Variants in DPP10 observed in about 807,000 individuals in gnomAD.
The protein encoded by DPP10 is dipeptidyl peptidase like 10.
Under a neutral mutation model 120.9 loss-of-function variants are expected in DPP10, and 33 were observed. The ratio of observed to expected loss-of-function variants is 0.27; its 90% confidence interval spans 0.21 to 0.37. The LOEUF is 0.37. Among genes scored for constraint, DPP10 ranks in the 10% least tolerant of loss-of-function variants. The pLI is 1.00. For synonymous variants in DPP10, 337 were observed against 326.1 expected, an observed-to-expected ratio of 1.03 and a Z score of -0.36; for missense variants, 816 against 942.8, an observed-to-expected ratio of 0.87 and a Z score of 1.76.
At chr2:115,628,025 C>A (rs2085506563) in intron 5 of DPP10, among the ~76,000 whole-genome samples, 1 of 111,404 alleles carries the variant, frequency 9.0e-6, no homozygotes. Flanking sequence ...AATGGCATTT[C>A]TGGTTCTAGA....
At chr2:114,889,661 C>T (rs1282875535) in intron 1 of DPP10, among the ~76,000 whole-genome samples, 1 of 151,420 alleles carries the variant, frequency 6.6e-6, no homozygotes, top group Non-Finnish European at 1.5e-5. Context: ...AGGGAAGCCC[C>T]CCAAAATTGC....
At chr2:115,266,635 G>T (rs1185104464) in intron 1 of DPP10, among the ~76,000 whole-genome samples, 4 of 152,018 alleles carry the variant, frequency 2.6e-5, no homozygotes, top group Admixed American at 2.6e-4. Context: ...ATATGATTTT[G>T]TCCAGAATGG....
intron 1 of DPP10, among the ~76,000 whole-genome samples, chr2:115,245,276 C>T (rs939778578): frequency 6.6e-6 from 1 of 151,678 alleles, no homozygotes; most frequent in Non-Finnish European, 1.5e-5. Flanking sequence ...CGTATTTCTG[C>T]AATTGCAAAA....
chr2:115,758,809 T>A (rs911726238), intron 11 of DPP10, among the ~76,000 whole-genome samples: 2 of 152,160 alleles, frequency 1.3e-5, no homozygotes, highest in African/African-American at 4.8e-5. Context: ...TATGATTGAT[T>A]GATTTTCTAC....
chr2:115,759,855 A>G (rs1679894753), intron 11 of DPP10, among the ~76,000 whole-genome samples: 1 of 152,120 alleles, frequency 6.6e-6, no homozygotes, highest in South Asian at 2.1e-4. Context: ...TACTAAAAAT[A>G]CAAAATTAAC....
chr2:115,004,847 G>A (rs1208200353), intron 1 of DPP10, among the ~76,000 whole-genome samples: 15 of 152,176 alleles, frequency 9.9e-5, no homozygotes, highest in Non-Finnish European at 1.5e-5. Flanking sequence ...CGGGAAGCTT[G>A]AACTGGGTGG....
intron 1 of DPP10, among the ~76,000 whole-genome samples, chr2:115,222,799 A>G (rs1022634923): frequency 4.6e-5 from 7 of 152,156 alleles, no homozygotes; most frequent in African/African-American, 9.7e-5. Flanking sequence ...AAGAGTCAGC[A>G]TTAGTATCTA....
intron 13 of DPP10, among the ~76,000 whole-genome samples, chr2:115,771,977 T>C (rs1408919440): frequency 6.6e-6 from 1 of 151,872 alleles, no homozygotes; most frequent in Non-Finnish European, 1.5e-5. Context: ...GTGATGGCGG[T>C]CACTACATAT....
At chr2:115,049,643 T>C (rs1380524031) in intron 1 of DPP10, among the ~76,000 whole-genome samples, 1 of 152,206 alleles carries the variant, frequency 6.6e-6, no homozygotes, top group Non-Finnish European at 1.5e-5. Context: ...TCAAAAGTAC[T>C]CCGTATCTGA....
At chr2:115,640,550 C>G (rs1262821399) in intron 5 of DPP10, among the ~76,000 whole-genome samples, 1 of 150,982 alleles carries the variant, frequency 6.6e-6, no homozygotes, top group Admixed American at 6.6e-5. Context: ...TTTTTGTCTA[C>G]TTTTTTGGGA....
At chr2:115,009,235 A>C (rs1702081913) in intron 1 of DPP10, among the ~76,000 whole-genome samples, 1 of 151,180 alleles carries the variant, frequency 6.6e-6, no homozygotes, top group Non-Finnish European at 1.5e-5. Flanking sequence ...TACACCATGG[A>C]ATACTATGCA....
chr2:115,728,672 T>G (rs1379499091), intron 8 of DPP10, among the ~76,000 whole-genome samples: 1 of 152,172 alleles, frequency 6.6e-6, no homozygotes, highest in African/African-American at 2.4e-5. Context: ...GTGAATTTTA[T>G]TTCATGGGCA....
intron 1 of DPP10, among the ~76,000 whole-genome samples, chr2:114,914,959 G>A (rs542330144): frequency 3.4e-4 from 52 of 152,102 alleles, no homozygotes; most frequent in African/African-American, 1.1e-3. Context: ...GTGAAACCCC[G>A]TCTCTACTAA....
intron 1 of DPP10, among the ~76,000 whole-genome samples, chr2:115,045,777 G>T (rs527355837): frequency 3.9e-5 from 6 of 152,256 alleles, no homozygotes; most frequent in Admixed American, 2.6e-4. Context: ...TCTTCTGAAG[G>T]TGCTTTCTTG....
chr2:114,875,925 C>T (rs1691112007), intron 1 of DPP10, among the ~76,000 whole-genome samples: 1 of 152,036 alleles, frequency 6.6e-6, no homozygotes, highest in Non-Finnish European at 1.5e-5. Flanking sequence ...TGGAATGTGA[C>T]ACTTTAGAAT....
chr2:115,724,108 G>A (rs2092711734), intron 7 of DPP10, among the ~76,000 whole-genome samples: 2 of 152,104 alleles, frequency 1.3e-5, no homozygotes, highest in Non-Finnish European at 2.9e-5. Flanking sequence ...TGCTATTGTA[G>A]GTTTGTATCT....
chr2:114,944,011 T>G, intron 1 of DPP10, among the ~76,000 whole-genome samples: 1 of 151,996 alleles, frequency 6.6e-6, no homozygotes, highest in East Asian at 1.9e-4. Flanking sequence ...GTTAGCTTGG[T>G]TTTTTATCTT....
chr2:115,236,546 A>T (rs1174460002), intron 1 of DPP10, among the ~76,000 whole-genome samples: 2 of 152,162 alleles, frequency 1.3e-5, no homozygotes, highest in Non-Finnish European at 2.9e-5. Context: ...AAACATTATT[A>T]ACTGATCACG....
chr2:115,485,206 C>G (rs2075695064), intron 3 of DPP10, among the ~76,000 whole-genome samples: 1 of 143,726 alleles, frequency 7.0e-6, no homozygotes, highest in Non-Finnish European at 1.5e-5. Flanking sequence ...TCTTAATCAT[C>G]TGAATTTTTC....
Sources: allele counts gnomAD v4.1 joint callset (sites outside exome capture counted in the v4.1 genomes callset), GRCh38; gene constraint gnomAD v4.1.1; transcripts MANE v1.5; gene names NCBI Gene and HGNC (gene_info 2026-07-23, HGNC 2026-07-21).